ITPR2: variants seen among roughly 807,000 people sequenced by gnomAD.
ITPR2 encodes inositol 1,4,5-trisphosphate receptor type 2.
In ITPR2, 207 loss-of-function variants were observed where a neutral mutation model predicts 317.1. That is an observed-to-expected ratio of 0.65 (90% CI 0.58 to 0.73). ITPR2 has a LOEUF of 0.73. Ranked by LOEUF, ITPR2 falls within the 30% of genes least tolerant of loss-of-function variation. The probability of loss-of-function intolerance (pLI) is 0.00; values close to 1 mark genes in which losing one functional copy is unlikely to be tolerated. For missense variants in ITPR2, 2,613 were observed against 3,284.0 expected, an observed-to-expected ratio of 0.80 and a Z score of 4.99; for synonymous variants, 1,156 against 1,149.1, an observed-to-expected ratio of 1.01 and a Z score of -0.12.
At chr12:26,638,842 T>C (rs116194476) in intron 21 of ITPR2, among the ~76,000 whole-genome samples, 416 of 152,166 alleles carry the variant, frequency 2.7e-3, no homozygotes, top group African/African-American at 9.7e-3. Context: ...AAATTCAAAA[T>C]ATAAAAGGTG....
intron 34 of ITPR2, among the ~76,000 whole-genome samples, chr12:26,568,283 T>C (rs1945067163): frequency 6.6e-6 from 1 of 151,520 alleles, no homozygotes; most frequent in African/African-American, 2.4e-5. Context: ...GGATACACTG[T>C]CAGCAAGTAA....
chr12:26,599,418 G>T, intron 29 of ITPR2, 73 bp from the exon 30 acceptor site: 1 of 1,302,536 alleles, frequency 7.7e-7, no homozygotes. Flanking sequence ...TAGACTAATT[G>T]CCCTGCTTGT....
chr12:26,819,914 C>CA (rs952081403), intron 1 of ITPR2, among the ~76,000 whole-genome samples: 8 of 151,818 alleles, frequency 5.3e-5, no homozygotes, highest in South Asian at 4.2e-4. Context: ...TAAAAATACC[C>CA]AAAAAAATTA....
At chr12:26,568,669 C>T (rs1481656292) in intron 34 of ITPR2, among the ~76,000 whole-genome samples, 1 of 152,016 alleles carries the variant, frequency 6.6e-6, no homozygotes, top group Non-Finnish European at 1.5e-5. Flanking sequence ...GATAAACTGA[C>T]AGGTAGGGGG....
intron 34 of ITPR2, among the ~76,000 whole-genome samples, chr12:26,566,763 G>A (rs751769414): frequency 2.6e-5 from 4 of 151,896 alleles, no homozygotes; most frequent in Non-Finnish European, 4.4e-5. Context: ...TTCATGATAC[G>A]CTTCCCTTTC....
chr12:26,589,763 A>G (rs11048597), intron 32 of ITPR2, among the ~76,000 whole-genome samples: 76,733 of 112,224 alleles, frequency 0.68, 28,076 homozygotes, highest in Non-Finnish European at 0.82. Flanking sequence ...CTCCAGCCTG[A>G]GTGAAAGAAC....
chr12:26,402,898 C>G (rs1309157612), intron 52 of ITPR2, among the ~76,000 whole-genome samples: 5 of 152,202 alleles, frequency 3.3e-5, no homozygotes, highest in African/African-American at 1.2e-4. Context: ...ACTACTCCAA[C>G]AGCCGCTGGA....
At chr12:26,353,845 TAC>T (rs71906542) in intron 55 of ITPR2, among the ~76,000 whole-genome samples, 6 of 151,428 alleles carry the variant, frequency 4.0e-5, no homozygotes, top group Non-Finnish European at 5.9e-5. Context: ...AGGAAAACTA[TAC>T]ACACACACAC....
At chr12:26,579,464 T>G (rs1473718828) in intron 33 of ITPR2, among the ~76,000 whole-genome samples, 4 of 152,148 alleles carry the variant, frequency 2.6e-5, no homozygotes, top group Non-Finnish European at 5.9e-5. Context: ...CAAACAAATT[T>G]GGATAATACT....
At chr12:26,783,511 T>G (rs1950132364) in intron 2 of ITPR2, among the ~76,000 whole-genome samples, 1 of 152,110 alleles carries the variant, frequency 6.6e-6, no homozygotes, top group Non-Finnish European at 1.5e-5. Context: ...CTTCTCCTAA[T>G]AGAAATGGCA....
chr12:26,618,379 C>A (rs1357807499), intron 26 of ITPR2, among the ~76,000 whole-genome samples: 1 of 152,100 alleles, frequency 6.6e-6, no homozygotes, highest in African/African-American at 2.4e-5. Context: ...TAACTATTTG[C>A]CTGTGTAGAA....
chr12:26,650,316 A>G (rs566678985), intron 21 of ITPR2, among the ~76,000 whole-genome samples: 1 of 152,332 alleles, frequency 6.6e-6, no homozygotes, highest in Non-Finnish European at 1.5e-5. Flanking sequence ...TATGCAGAGC[A>G]CAGAGAATTT....
intron 35 of ITPR2, among the ~76,000 whole-genome samples, chr12:26,558,870 T>G (rs1158854499): frequency 6.6e-6 from 1 of 152,156 alleles, no homozygotes; most frequent in Non-Finnish European, 1.5e-5. Flanking sequence ...ACTTTAAAAT[T>G]CCCCAAATAG....
intron 2 of ITPR2, among the ~76,000 whole-genome samples, chr12:26,784,515 T>A (rs556502342): frequency 4.0e-5 from 6 of 148,578 alleles, no homozygotes; most frequent in Admixed American, 3.3e-4. Context: ...TGGTTTTCGG[T>A]TTTTTTTTGG....
rs186604495 is a variant in ITPR2 at position 26,441,352 on chromosome 12, A to G, written c.6451-2033T>C. Among the ~76,000 whole-genome samples the G allele has an allele frequency of 3.3e-5, 5 of 152,198 alleles. No individual in the cohort carries two copies. The East Asian group carries it at 9.6e-4, about 29-fold the overall frequency. Reference sequence around the variant, plus strand: ...AACTTGCAGACAAACTATTATTCTCAATAACATGAATTGTTGTGGTTATGT... The same window carrying G: ...AACTTGCAGACAAACTATTATTCTCGATAACATGAATTGTTGTGGTTATGT... On this transcript the variant is annotated intron_variant, in intron 46 of 56. Coordinates refer to ENST00000381340, the MANE Select transcript of ITPR2 (RefSeq NM_002223.4).
chr12:26,655,410 C>T (rs1315642594), intron 20 of ITPR2, among the ~76,000 whole-genome samples: 3 of 152,010 alleles, frequency 2.0e-5, no homozygotes, highest in Non-Finnish European at 2.9e-5. Context: ...GTCAGGACAT[C>T]GAGACCATCC....
At position 26,625,470 on chromosome 12, in the gene ITPR2, A is replaced by G. The variant is rs548271043; in HGVS notation, c.3065-1114T>C. Among the ~76,000 whole-genome samples, 6 of 152,308 alleles carry G rather than the reference A, an allele frequency of 3.9e-5. No homozygotes were observed. In the South Asian group the frequency reaches 1.0e-3, roughly 26 times the overall value. ...AAATATATACATCAACTATGTACCC[A>G]CAAAAATTAAAAATTAAAAAAATTT... On this transcript the variant is annotated intron_variant, in intron 23 of 56. Coordinates refer to ENST00000381340, the MANE Select transcript of ITPR2 (RefSeq NM_002223.4).
intron 2 of ITPR2, among the ~76,000 whole-genome samples, chr12:26,751,105 C>A (rs972470387): frequency 3.9e-5 from 6 of 152,098 alleles, no homozygotes; most frequent in Non-Finnish European, 5.9e-5. Flanking sequence ...GAGGAAAATT[C>A]CAGAAATCAG....
At chr12:26,673,904 GACAA>G (rs1208072601) in intron 13 of ITPR2, among the ~76,000 whole-genome samples, 1 of 93,278 alleles carries the variant, frequency 1.1e-5, no homozygotes, top group African/African-American at 3.9e-5. Context: ...AACAATAACA[GACAA>G]ACAGAGAGCC....
Sources: allele counts gnomAD v4.1 joint callset (sites outside exome capture counted in the v4.1 genomes callset), GRCh38; gene constraint gnomAD v4.1.1; transcripts MANE v1.5; gene names NCBI Gene and HGNC (gene_info 2026-07-23, HGNC 2026-07-21).